ERBB4: variants seen among roughly 807,000 people sequenced by gnomAD.
The protein encoded by ERBB4 is receptor tyrosine-protein kinase erbB-4.
A neutral mutation model predicts 158.0 loss-of-function variants in ERBB4; 42 were observed. The ratio of observed to expected loss-of-function variants is 0.27; its 90% CI spans 0.21 to 0.34. ERBB4 has a LOEUF of 0.34. Among genes scored for constraint, ERBB4 ranks in the 10% least tolerant of loss-of-function variants. The probability of loss-of-function intolerance (pLI) is 1.00; values close to 1 mark genes in which losing one functional copy is unlikely to be tolerated. For synonymous variants in ERBB4, 583 were observed against 558.7 expected (o/e 1.04, Z -0.61); for missense variants, 1,333 against 1,624.1 (o/e 0.82, Z 3.08).
intron 1 of ERBB4, among the ~76,000 whole-genome samples, chr2:212,469,735 C>T (rs1036289230): frequency 1.1e-4 from 16 of 152,160 alleles, no homozygotes; most frequent in Middle Eastern, 6.8e-3. Context: ...ACAATATGCA[C>T]ACATTCAGAT....
At chr2:212,236,991 T>C (rs1211741364) in intron 1 of ERBB4, among the ~76,000 whole-genome samples, 1 of 152,136 alleles carries the variant, frequency 6.6e-6, no homozygotes, top group Non-Finnish European at 1.5e-5. Flanking sequence ...ATCTTAGTTA[T>C]TTCTTGTCTT....
At chr2:212,233,720 T>G (rs1345992905) in intron 1 of ERBB4, among the ~76,000 whole-genome samples, 1 of 152,030 alleles carries the variant, frequency 6.6e-6, no homozygotes, top group African/African-American at 2.4e-5. Context: ...AATATGTTGG[T>G]TTTATATTCC....
At chr2:211,682,858 A>G (rs2072409465) in intron 12 of ERBB4, among the ~76,000 whole-genome samples, 1 of 151,414 alleles carries the variant, frequency 6.6e-6, no homozygotes, top group Non-Finnish European at 1.5e-5. Context: ...GGGTGTTTAA[A>G]CCATTTACAT....
intron 17 of ERBB4, among the ~76,000 whole-genome samples, chr2:211,628,392 CCCA>C (rs2069949323): frequency 6.6e-6 from 1 of 152,104 alleles, no homozygotes; most frequent in Non-Finnish European, 1.5e-5. Flanking sequence ...TTGTTCAATT[CCCA>C]CCTATGAGTG....
intron 20 of ERBB4, among the ~76,000 whole-genome samples, chr2:211,481,553 A>G (rs759147936): frequency 4.0e-5 from 6 of 151,632 alleles, no homozygotes; most frequent in Non-Finnish European, 8.8e-5. Context: ...TTACAAACCA[A>G]TATCTACTCT....
At chr2:211,920,261 T>C (rs930329877) in intron 3 of ERBB4, among the ~76,000 whole-genome samples, 3 of 152,010 alleles carry the variant, frequency 2.0e-5, no homozygotes, top group East Asian at 1.9e-4. Flanking sequence ...ATGGATTTGT[T>C]ACTAAATTCT....
intron 12 of ERBB4, among the ~76,000 whole-genome samples, chr2:211,681,115 TTC>T (rs1386015446): frequency 1.3e-5 from 2 of 152,194 alleles, no homozygotes; most frequent in Admixed American, 1.3e-4. Context: ...ACAGTATATT[TTC>T]TGTTTTTATA....
At chr2:211,568,108 T>C (rs2067605564) in intron 19 of ERBB4, among the ~76,000 whole-genome samples, 1 of 151,966 alleles carries the variant, frequency 6.6e-6, no homozygotes, top group Non-Finnish European at 1.5e-5. Context: ...AAAAAAATTA[T>C]TCTGTCTTTT....
At chr2:212,111,718 C>A (rs2079413796) in intron 2 of ERBB4, among the ~76,000 whole-genome samples, 1 of 151,922 alleles carries the variant, frequency 6.6e-6, no homozygotes, top group South Asian at 2.1e-4. Context: ...GCTACTCAAT[C>A]ATCTATTAAT....
intron 1 of ERBB4, among the ~76,000 whole-genome samples, chr2:212,129,767 T>C (rs1206009478): frequency 1.3e-5 from 2 of 152,064 alleles, no homozygotes; most frequent in Non-Finnish European, 2.9e-5. Context: ...AAAATTAGAT[T>C]AATCACAATA....
intron 15 of ERBB4, among the ~76,000 whole-genome samples, chr2:211,659,334 G>GA (rs1358477204): frequency 3.3e-5 from 5 of 151,466 alleles, no homozygotes; most frequent in Admixed American, 2.6e-4. Context: ...AACTAAAAAG[G>GA]AAAAAAACTA....
intron 2 of ERBB4, among the ~76,000 whole-genome samples, chr2:212,001,075 A>C (rs2076092757): frequency 6.6e-6 from 1 of 152,042 alleles, no homozygotes; most frequent in Non-Finnish European, 1.5e-5. Flanking sequence ...CCAACATGTA[A>C]ATTTTGTTTT....
intron 1 of ERBB4, among the ~76,000 whole-genome samples, chr2:212,192,098 GTTATATATTATATATTATATATA>G (rs2082287288): frequency 1.1e-5 from 1 of 90,392 alleles, no homozygotes; most frequent in Non-Finnish European, 2.1e-5. Flanking sequence ...TATTATATAA[GTTATATATTATATATTATATATA>G]TTATGTGTTA....
chr2:212,396,134 G>A (rs557165456), intron 1 of ERBB4, among the ~76,000 whole-genome samples: 2 of 152,096 alleles, frequency 1.3e-5, no homozygotes, highest in South Asian at 4.1e-4. Context: ...GAAACTACTT[G>A]TCTGGAAAAC....
intron 25 of ERBB4, among the ~76,000 whole-genome samples, chr2:211,391,053 T>A (rs908484765): frequency 1.3e-5 from 2 of 152,204 alleles, no homozygotes; most frequent in African/African-American, 4.8e-5. Flanking sequence ...ATAATTGTTG[T>A]TTAAATATAT....
chr2:212,020,809 G>C (rs967257317), intron 2 of ERBB4, among the ~76,000 whole-genome samples: 5 of 152,030 alleles, frequency 3.3e-5, no homozygotes, highest in Non-Finnish European at 7.4e-5. Flanking sequence ...CAGAAACAAA[G>C]TCTTCTTTCA....
At chr2:211,989,734 T>C (rs574928490) in intron 2 of ERBB4, among the ~76,000 whole-genome samples, 7 of 152,050 alleles carry the variant, frequency 4.6e-5, no homozygotes, top group African/African-American at 1.7e-4. Context: ...TTCCATTCAA[T>C]GAATAAATAT....
chr2:212,379,904 T>C (rs2090449256), intron 1 of ERBB4, among the ~76,000 whole-genome samples: 1 of 151,346 alleles, frequency 6.6e-6, no homozygotes, highest in African/African-American at 2.4e-5. Flanking sequence ...ATTGTAAGCA[T>C]TTTTAAATAT....
intron 2 of ERBB4, among the ~76,000 whole-genome samples, chr2:212,061,110 C>T (rs1173341189): frequency 2.0e-5 from 3 of 151,704 alleles, no homozygotes; most frequent in Admixed American, 6.6e-5. Context: ...GGTATGGTGT[C>T]GAAGTTCCCA....
Sources: allele counts gnomAD v4.1 joint callset (sites outside exome capture counted in the v4.1 genomes callset), GRCh38; gene constraint gnomAD v4.1.1; transcripts MANE v1.5; gene names NCBI Gene and HGNC (gene_info 2026-07-23, HGNC 2026-07-21).